The following SGPP2 variants were observed in gnomAD, a reference collection of about 807,000 sequenced individuals.
The protein encoded by SGPP2 is sphingosine-1-phosphate phosphatase 2, also known as sphingosine 1-phosphate phosphohydrolase 2.
A neutral mutation model predicts 33.9 loss-of-function variants in SGPP2; 30 were observed. The ratio of observed to expected loss-of-function variants is 0.89; its 90% confidence interval spans 0.66 to 1.20. The LOEUF is 1.20. Ranked by LOEUF, SGPP2 falls within the 50% of genes most tolerant of loss-of-function variation. The pLI, the probability that SGPP2 is intolerant of heterozygous loss-of-function variation, is 0.00. For synonymous variants in SGPP2, 233 were observed against 225.0 expected (o/e 1.04, Z -0.32); for missense variants, 458 against 532.1 (o/e 0.86, Z 1.37).
intron 1 of SGPP2, among the ~76,000 whole-genome samples, chr2:222,472,993 G>A (rs1697870988): frequency 6.6e-6 from 1 of 152,060 alleles, no homozygotes. Flanking sequence ...CAGCCTGGGT[G>A]ACAGAGCGAG....
At chr2:222,430,706 C>T (rs975573928) in intron 1 of SGPP2, among the ~76,000 whole-genome samples, 4 of 152,202 alleles carry the variant, frequency 2.6e-5, no homozygotes, top group African/African-American at 9.6e-5. Flanking sequence ...AGTAATTTTA[C>T]AGTGTAGAAA....
intron 4 of SGPP2, among the ~76,000 whole-genome samples, chr2:222,536,775 T>C (rs1321037442): frequency 1.3e-5 from 2 of 152,232 alleles, no homozygotes; most frequent in African/African-American, 4.8e-5. Context: ...GCAAGATCAT[T>C]GTTATGATGT....
intron 1 of SGPP2, among the ~76,000 whole-genome samples, chr2:222,457,289 G>A (rs2106081094): frequency 6.6e-6 from 1 of 152,050 alleles, no homozygotes; most frequent in South Asian, 2.1e-4. Context: ...TTATTTTGGA[G>A]CCAGAATAAA....
At chr2:222,434,443 G>A (rs924646006) in intron 1 of SGPP2, among the ~76,000 whole-genome samples, 5 of 152,162 alleles carry the variant, frequency 3.3e-5, no homozygotes, top group Admixed American at 2.6e-4. Flanking sequence ...GATGAAAAGG[G>A]AAGGCACCAA....
chr2:222,440,352 G>GTTTTTGT (rs1553533210), intron 1 of SGPP2, among the ~76,000 whole-genome samples: 5 of 149,632 alleles, frequency 3.3e-5, no homozygotes, highest in South Asian at 4.2e-4. Flanking sequence ...TTTTGTTTTT[G>GTTTTTGT]TTTTTTTTTG....
chr2:222,510,198 T>G (rs1370062138), intron 2 of SGPP2, among the ~76,000 whole-genome samples: 2 of 152,218 alleles, frequency 1.3e-5, no homozygotes, highest in Non-Finnish European at 2.9e-5. Context: ...ACATACAAGT[T>G]CCAGTGAGGA....
rs192798344 is a variant in SGPP2 at position 222,550,929 on chromosome 2, A to G, written c.649-7418A>G. 9.1e-4 allele frequency among the ~76,000 whole-genome samples: 139 copies of G among 152,334 alleles called. No homozygotes were observed. The highest frequency in any genetic ancestry group is 3.4e-3 in the Middle Eastern group (1 of 294). The stretch of plus-strand genomic sequence containing the variant: ...GTCTCTGGTTATTTTCTTAGAATCA[A>G]TTCCTAGGAGTGGAATCACTGGGTC... On this transcript the variant is annotated intron_variant, in intron 4 of 4. Coordinates refer to ENST00000321276, the MANE Select transcript of SGPP2 (RefSeq NM_152386.4). The surrounding 1 kb of genome is among the most constrained non-coding windows in gnomAD (Gnocchi z 4.5).
chr2:222,492,848 G>A (rs1227886908), intron 2 of SGPP2, among the ~76,000 whole-genome samples: 1 of 152,162 alleles, frequency 6.6e-6, no homozygotes, highest in Non-Finnish European at 1.5e-5. Flanking sequence ...TTGGGTAGGG[G>A]CAAAATGCCA....
chr2:222,424,333 A>G (rs1426295068), upstream of SGPP2, among the ~76,000 whole-genome samples: 1 of 152,038 alleles, frequency 6.6e-6, no homozygotes, highest in East Asian at 1.9e-4. Context: ...TCCTCCGTCC[A>G]GTTACAGGCG....
At chr2:222,492,353 C>A (rs1698209961) in intron 2 of SGPP2, among the ~76,000 whole-genome samples, 1 of 152,260 alleles carries the variant, frequency 6.6e-6, no homozygotes, top group African/African-American at 2.4e-5. Context: ...TGGGTGTTCC[C>A]AAACCTCAGT....
intron 2 of SGPP2, among the ~76,000 whole-genome samples, chr2:222,499,595 C>T (rs925992135): frequency 2.0e-5 from 3 of 151,296 alleles, no homozygotes; most frequent in African/African-American, 7.3e-5. Context: ...GAAAAGAGGA[C>T]GTGTTGGGGG....
chr2:222,441,159 G>C (rs913887119), intron 1 of SGPP2, among the ~76,000 whole-genome samples: 1 of 152,210 alleles, frequency 6.6e-6, no homozygotes, highest in African/African-American at 2.4e-5. Context: ...TATTCTCAAT[G>C]GTGAGGCCCA....
intron 1 of SGPP2, among the ~76,000 whole-genome samples, chr2:222,448,623 A>G (rs192249338): frequency 9.2e-5 from 14 of 151,944 alleles, no homozygotes; most frequent in African/African-American, 3.1e-4. Context: ...GCATTTAGAA[A>G]CTCTGCATTA....
At chr2:222,452,378 G>A (rs926072943) in intron 1 of SGPP2, 3 of 730,766 alleles carry the variant, frequency 4.1e-6, no homozygotes, top group Non-Finnish European at 7.5e-6. Flanking sequence ...GTCAAATTGA[G>A]TAATATCAAT....
Position 222,424,692 on chromosome 2 carries a change from C to G in SGPP2, c.90C>G (p.Gly30=). 6.9e-7 allele frequency: 1 copy of G among 1,449,674 alleles called. No individual in the cohort carries two copies. Among genetic ancestry groups the G allele is most frequent in the Non-Finnish European group, 9.1e-7 (1 of 1,103,092 alleles). The allele number at this position is 1,449,674 out of a possible 1,614,324, so 89.8% of individuals were successfully genotyped here. ...RCGLFPAPDE[G]PRENGADPTE... is the part of the protein sequence containing the mutation. ...GGCTCTTCCCCGCTCCGGATGAAGG[C>G]CCCCGGGAGAACGGCGCGGACCCCA... Residue 30 remains glycine (G), a synonymous_variant, in exon 1 of 5, where the codon GGC becomes GGG. Coordinates refer to ENST00000321276, the MANE Select transcript of SGPP2 (RefSeq NM_152386.4).
rs907678168 is a variant in SGPP2 at position 222,559,063 on chromosome 2, T to C, written c.*165T>C. ...GATGCTGCTGTGTGAAAGGAAGAAC[T>C]GTCTCATAGCGGTCATTGGTCGTCC... On this transcript the variant is annotated 3_prime_UTR_variant, in exon 5 of 5. Transcript: ENST00000321276. 2 of 668,460 alleles carry C rather than the reference T, an allele frequency of 3.0e-6. No individual in the cohort carries two copies. Among genetic ancestry groups the C allele is most frequent in the African/African-American group, 3.6e-5 (2 of 54,992 alleles). The allele number at this position is 668,460 out of a possible 1,614,324, so 41.4% of individuals were successfully genotyped here.
chr2:222,468,249 G>A (rs73993567), intron 1 of SGPP2, among the ~76,000 whole-genome samples: 4,435 of 152,108 alleles, frequency 0.029, 210 homozygotes, highest in African/African-American at 0.1. Context: ...GGCTGGCCTG[G>A]GATAGAGGTT....
In SGPP2 at chr2:222,527,166, T is replaced by C. The variant is rs558306428; in HGVS notation, c.648+2133T>C. 1.4e-4 allele frequency among the ~76,000 whole-genome samples: 21 copies of C among 152,280 alleles called. No individual in the cohort carries two copies. The South Asian group carries it at 4.4e-3, about 32-fold the overall frequency. On this transcript the variant is annotated intron_variant, in intron 4 of 4. Coordinates refer to ENST00000321276, the MANE Select transcript of SGPP2 (RefSeq NM_152386.4). Reference sequence around the variant, plus strand: ...CAGTAAGCAGATATTTAGGGGAAGATAGATTAGGCCTGTCATCCAGATGCA... The same window carrying C: ...CAGTAAGCAGATATTTAGGGGAAGACAGATTAGGCCTGTCATCCAGATGCA...
chr2:222,528,430 G>C (rs1698792127), intron 4 of SGPP2, among the ~76,000 whole-genome samples: 1 of 151,396 alleles, frequency 6.6e-6, no homozygotes, highest in Non-Finnish European at 1.5e-5. Context: ...ATTACATTAT[G>C]TCTAAAAAAA....
Sources: allele counts gnomAD v4.1 joint callset (sites outside exome capture counted in the v4.1 genomes callset), GRCh38; gene constraint gnomAD v4.1.1; non-coding constraint Gnocchi (gnomAD v3.1); transcripts MANE v1.5; gene names NCBI Gene and HGNC (gene_info 2026-07-23, HGNC 2026-07-21).